NTM: variants seen among roughly 807,000 people sequenced by gnomAD.
The protein encoded by NTM is IgLON family member 2.
A neutral mutation model predicts 42.1 loss-of-function variants in NTM; 13 were observed. The observed-to-expected ratio is 0.31, with a 90% CI of 0.20 to 0.49. The LOEUF (loss-of-function observed/expected upper bound fraction) is 0.49, where lower values mean the gene tolerates loss of function less well. NTM is among the 20% of genes least tolerant of loss of function. NTM has a pLI of 0.99. For synonymous variants in NTM, 187 were observed against 179.2 expected (o/e 1.04, Z -0.35); for missense variants, 373 against 452.8 (o/e 0.82, Z 1.60).
intron 4 of NTM, among the ~76,000 whole-genome samples, chr11:132,245,652 G>T (rs915621468): frequency 6.6e-6 from 1 of 152,044 alleles, no homozygotes; most frequent in Non-Finnish European, 1.5e-5. Flanking sequence ...AGAGCGTCAC[G>T]GGGACTCTGT....
intron 1 of NTM, among the ~76,000 whole-genome samples, chr11:131,572,095 C>G (rs780721273): frequency 4.6e-5 from 7 of 152,184 alleles, no homozygotes; most frequent in Non-Finnish European, 8.8e-5. Context: ...GGTCAACCCA[C>G]GGTGCTTGGC....
At chr11:131,458,365 T>G (rs997118291) in intron 1 of NTM, among the ~76,000 whole-genome samples, 1 of 152,142 alleles carries the variant, frequency 6.6e-6, no homozygotes, top group African/African-American at 2.4e-5. Context: ...GATGTGCACA[T>G]TTGGAGGGGA....
At chr11:131,541,465 C>A (rs576641737) in intron 1 of NTM, among the ~76,000 whole-genome samples, 1 of 152,314 alleles carries the variant, frequency 6.6e-6, no homozygotes, top group East Asian at 1.9e-4. Context: ...GACCTTACAG[C>A]CACACAGGCC....
intron 3 of NTM, among the ~76,000 whole-genome samples, chr11:132,171,396 G>A (rs1452917062): frequency 1.3e-5 from 2 of 152,164 alleles, no homozygotes; most frequent in African/African-American, 4.8e-5. Flanking sequence ...TGGCAGATTT[G>A]GTGTCTGGCG....
intron 1 of NTM, among the ~76,000 whole-genome samples, chr11:131,685,821 C>T (rs1328199311): frequency 6.6e-6 from 1 of 152,226 alleles, no homozygotes; most frequent in African/African-American, 2.4e-5. Context: ...CTTTTTCACC[C>T]ATAGTGTCTA....
At chr11:132,201,632 G>C (rs74875450) in intron 3 of NTM, among the ~76,000 whole-genome samples, 162 of 152,306 alleles carry the variant, frequency 1.1e-3, no homozygotes, top group African/African-American at 3.7e-3. Flanking sequence ...TGCATGTCAG[G>C]AGATGTTGCT....
At chr11:131,456,686 T>C (rs1295050577) in intron 1 of NTM, among the ~76,000 whole-genome samples, 1 of 152,170 alleles carries the variant, frequency 6.6e-6, no homozygotes, top group Admixed American at 6.5e-5. Context: ...CCAAAGAACC[T>C]CCTTGCCGAT....
At chr11:131,510,307 C>A (rs1048888674) in intron 1 of NTM, among the ~76,000 whole-genome samples, 1 of 152,190 alleles carries the variant, frequency 6.6e-6, no homozygotes, top group Non-Finnish European at 1.5e-5. Context: ...CCTGTACTTC[C>A]CACCACTTCA....
At chr11:131,734,140 G>A (rs2080101046) in intron 1 of NTM, among the ~76,000 whole-genome samples, 2 of 152,152 alleles carry the variant, frequency 1.3e-5, no homozygotes, top group African/African-American at 4.8e-5. Context: ...AGAGAAGACA[G>A]GGGACAAGTC....
At chr11:131,617,395 C>A (rs552900127) in intron 1 of NTM, among the ~76,000 whole-genome samples, 2 of 152,146 alleles carry the variant, frequency 1.3e-5, no homozygotes, top group Non-Finnish European at 1.5e-5. Flanking sequence ...GATTCTACTG[C>A]GATTGTGATT....
intron 2 of NTM, among the ~76,000 whole-genome samples, chr11:131,976,831 C>T (rs1342140882): frequency 1.3e-5 from 2 of 152,140 alleles, no homozygotes; most frequent in African/African-American, 4.8e-5. Context: ...GATAACACAG[C>T]CCTCATTTCC....
rs142960149 is a variant in NTM, at chr11:132,212,118, C to A, written c.497C>A (p.Thr166Lys). The change falls in exon 4 of 9, where the codon ACG becomes AAG. Residue 166 changes from threonine to lysine, a missense_variant. By Grantham distance (78) the Thr-to-Lys change is moderately conservative. Coordinates refer to ENST00000683400, the MANE Select transcript of NTM (RefSeq NM_001352005.2). ...ATAGCAACTGGTAGACCAGAGCCTA[C>A]GGTTACTTGGAGACACATCTCTCCC... ...TCIATGRPEP[T>K]VTWRHISPKA... is the part of the protein sequence containing the mutation. 1 of 1,613,232 alleles carries A rather than the reference C, an allele frequency of 6.2e-7. No homozygotes were observed. Among genetic ancestry groups the A allele is most frequent in the Non-Finnish European group, 8.5e-7 (1 of 1,179,614 alleles).
At chr11:132,135,306 A>G (rs2067681973) in intron 2 of NTM, among the ~76,000 whole-genome samples, 1 of 152,124 alleles carries the variant, frequency 6.6e-6, no homozygotes, top group Non-Finnish European at 1.5e-5. Context: ...CCATCTTTCT[A>G]GCACCTTCCT....
chr11:131,600,681 G>A (rs1490358958), intron 1 of NTM, among the ~76,000 whole-genome samples: 1 of 152,196 alleles, frequency 6.6e-6, no homozygotes, highest in Non-Finnish European at 1.5e-5. Context: ...CCACTGCCAA[G>A]AAAGGAACCT....
chr11:131,722,862 A>G (rs919376952), intron 1 of NTM, among the ~76,000 whole-genome samples: 5 of 152,240 alleles, frequency 3.3e-5, no homozygotes, highest in Admixed American at 6.5e-5. Context: ...TGACCCAGAA[A>G]CATTGTGTGA....
At chr11:132,302,062 C>T (rs2094885025) in intron 4 of NTM, among the ~76,000 whole-genome samples, 1 of 152,176 alleles carries the variant, frequency 6.6e-6, no homozygotes, top group African/African-American at 2.4e-5. Context: ...GCACACAAGA[C>T]AGTCTCTGTC....
chr11:131,993,397 G>A (rs1026731103), intron 2 of NTM, among the ~76,000 whole-genome samples: 1 of 152,096 alleles, frequency 6.6e-6, no homozygotes, highest in Admixed American at 6.5e-5. Context: ...TTTGGCTTGG[G>A]TAATGAGGTA....
intron 1 of NTM, among the ~76,000 whole-genome samples, chr11:131,372,269 AGGT>A (rs1441368731): frequency 6.6e-6 from 1 of 151,904 alleles, no homozygotes; most frequent in Non-Finnish European, 1.5e-5. Context: ...AGGAAGTCCA[AGGT>A]GGTGAATCTT....
chr11:132,093,218 C>T (rs1010500091), intron 2 of NTM, among the ~76,000 whole-genome samples: 1 of 152,178 alleles, frequency 6.6e-6, no homozygotes, highest in African/African-American at 2.4e-5. Context: ...CTCCTGATAA[C>T]CCACATTCAA....
Sources: allele counts gnomAD v4.1 joint callset (sites outside exome capture counted in the v4.1 genomes callset), GRCh38; gene constraint gnomAD v4.1.1; transcripts MANE v1.5; gene names NCBI Gene and HGNC (gene_info 2026-07-23, HGNC 2026-07-21).